ZBTB16: variants seen among roughly 807,000 people sequenced by gnomAD.
The protein encoded by ZBTB16 is zinc finger and BTB domain-containing protein 16.
A neutral mutation model predicts 56.8 loss-of-function variants in ZBTB16; 8 were observed. The observed-to-expected ratio is 0.14, with a 90% confidence interval of 0.08 to 0.25. The LOEUF (loss-of-function observed/expected upper bound fraction) is 0.25, where lower values mean the gene tolerates loss of function less well. ZBTB16 is among the 10% of genes least tolerant of loss of function. The pLI is 1.00. For synonymous variants in ZBTB16, 363 were observed against 368.5 expected, an observed-to-expected ratio of 0.98 and a Z score of 0.17; for missense variants, 625 against 903.0, an observed-to-expected ratio of 0.69 and a Z score of 3.95.
intron 4 of ZBTB16, among the ~76,000 whole-genome samples, chr11:114,206,347 C>A (rs1453031335): frequency 6.6e-6 from 1 of 152,190 alleles, no homozygotes; most frequent in Non-Finnish European, 1.5e-5. Context: ...ACACAGCAGG[C>A]TAGAGAGAGA....
intron 5 of ZBTB16, among the ~76,000 whole-genome samples, chr11:114,245,682 C>T (rs987379703): frequency 2.0e-5 from 3 of 152,188 alleles, no homozygotes; most frequent in South Asian, 2.1e-4. Context: ...CAGGCACGAG[C>T]GCAGTTTGAC....
chr11:114,165,547 G>A (rs1382748867), intron 3 of ZBTB16, among the ~76,000 whole-genome samples: 1 of 152,202 alleles, frequency 6.6e-6, no homozygotes. Context: ...TGAATATCCT[G>A]TTATAAAAGT....
chr11:114,175,753 A>G (rs1943093378), intron 3 of ZBTB16, among the ~76,000 whole-genome samples: 1 of 152,132 alleles, frequency 6.6e-6, no homozygotes, highest in African/African-American at 2.4e-5. Context: ...CAAGAATGCC[A>G]TCGAGACTGA....
chr11:114,069,768 T>C (rs897294278), intron 2 of ZBTB16, among the ~76,000 whole-genome samples: 1 of 152,258 alleles, frequency 6.6e-6, no homozygotes, highest in African/African-American at 2.4e-5. Flanking sequence ...ATATTAATAA[T>C]ACCTTTTATC....
intron 3 of ZBTB16, among the ~76,000 whole-genome samples, chr11:114,179,481 G>C (rs1195580795): frequency 6.6e-6 from 1 of 152,162 alleles, no homozygotes; most frequent in African/African-American, 2.4e-5. Flanking sequence ...GACAGCTTAT[G>C]CTTTTTTTGG....
At position 114,143,940 on chromosome 11, in the gene ZBTB16, T is replaced by C. The variant is rs1379480828; in HGVS notation, c.1269-12397T>C. 6.6e-6 allele frequency among the ~76,000 whole-genome samples: 1 copy of C among 152,204 alleles called. No individual in the cohort carries two copies. The highest frequency in any genetic ancestry group is 2.4e-5 in the African/African-American group (1 of 41,438). On this transcript the variant is annotated intron_variant, in intron 2 of 6. Transcript: ENST00000335953. This position sits in a 1 kb window ranked among gnomAD's most constrained non-coding sequence, Gnocchi z 6.4. ...GTTGGGCCTCGAGTCACTGGTATTA[T>C]GCATTTCCTGTGTGCTCGGGAGCCT... is the stretch of plus-strand genomic sequence containing the variant.
intron 2 of ZBTB16, among the ~76,000 whole-genome samples, chr11:114,139,062 A>C (rs1456892333): frequency 2.0e-5 from 3 of 152,168 alleles, no homozygotes; most frequent in Admixed American, 2.0e-4. Flanking sequence ...CAGTTTTCTA[A>C]AAAAAGAGGT....
intron 4 of ZBTB16, among the ~76,000 whole-genome samples, chr11:114,205,342 G>T (rs1319110762): frequency 6.6e-6 from 1 of 151,816 alleles, no homozygotes; most frequent in Non-Finnish European, 1.5e-5. Context: ...CCCGGGAGGT[G>T]GAGCTTGCAG....
At chr11:114,245,554 G>A (rs73007088) in intron 5 of ZBTB16, among the ~76,000 whole-genome samples, 1 of 152,168 alleles carries the variant, frequency 6.6e-6, no homozygotes, top group African/African-American at 2.4e-5. Flanking sequence ...ACTTTGGGAG[G>A]GGGGAGCTTT....
chr11:114,143,425 A>G lies in ZBTB16; in HGVS notation c.1269-12912A>G, dbSNP rs1202500123. On this transcript the variant is annotated intron_variant, in intron 2 of 6. Coordinates refer to ENST00000335953, the MANE Select transcript of ZBTB16 (RefSeq NM_006006.6). The surrounding 1 kb of genome is among the most constrained non-coding windows in gnomAD (Gnocchi z 6.4). ...ACTTAAAAGACAGAGGCTGGGGGGG[A>G]AAGGGGGTCAGCTTTGAGAGGGGAC... is the stretch of plus-strand genomic sequence containing the variant. Among the ~76,000 whole-genome samples, 1 of 151,940 alleles carries G rather than the reference A, an allele frequency of 6.6e-6. No homozygotes were observed. The highest frequency in any genetic ancestry group is 1.5e-5 in the Non-Finnish European group (1 of 67,988).
intron 2 of ZBTB16, among the ~76,000 whole-genome samples, chr11:114,137,636 A>C (rs1941832755): frequency 6.6e-6 from 1 of 152,120 alleles, no homozygotes; most frequent in African/African-American, 2.4e-5. Context: ...TTAGAGTGTG[A>C]ATTAGATTGT....
At chr11:114,142,306 A>T (rs1011894480) in intron 2 of ZBTB16, among the ~76,000 whole-genome samples, 2 of 152,168 alleles carry the variant, frequency 1.3e-5, no homozygotes, top group Non-Finnish European at 2.9e-5. Flanking sequence ...CAGTAGCTCT[A>T]TGCCCTGCCA....
At chr11:114,112,763 T>TC (rs545883703) in intron 2 of ZBTB16, among the ~76,000 whole-genome samples, 50 of 49,580 alleles carry the variant, frequency 1.0e-3, no homozygotes, top group Admixed American at 1.1e-3. Flanking sequence ...TCATTTTCTT[T>TC]TTTTTTTTTT....
rs528116936 is a variant in ZBTB16, at chr11:114,201,581, G to A, written c.1453+14543G>A. 2.6e-4 allele frequency among the ~76,000 whole-genome samples: 40 copies of A among 152,284 alleles called. 1 individual carries two copies. In the South Asian group the frequency reaches 7.2e-3, roughly 28 times the overall value. ...GCTGATTGCAACACTATTTGTAATT[G>A]CAAAGCAATGAGAATGACCTAAATA... On this transcript the variant is annotated intron_variant, in intron 4 of 6. Transcript: ENST00000335953.
chr11:114,194,863 G>T (rs371336751), intron 4 of ZBTB16, among the ~76,000 whole-genome samples: 2 of 152,152 alleles, frequency 1.3e-5, no homozygotes, highest in Admixed American at 6.5e-5. Flanking sequence ...TATTCTCTGG[G>T]TTTGAAATTT....
chr11:114,225,013 G>A (rs1944301592), intron 4 of ZBTB16, among the ~76,000 whole-genome samples: 1 of 152,144 alleles, frequency 6.6e-6, no homozygotes, highest in Admixed American at 6.5e-5. Flanking sequence ...AGCTCTAGGA[G>A]TGGAGGAGGT....
intron 2 of ZBTB16, among the ~76,000 whole-genome samples, chr11:114,099,610 CT>C (rs1940538183): frequency 6.6e-6 from 1 of 152,044 alleles, no homozygotes; most frequent in Non-Finnish European, 1.5e-5. Flanking sequence ...GTTCTTAAAG[CT>C]GTGTGGTGTC....
chr11:114,240,109 C>T (rs373973075), intron 4 of ZBTB16, among the ~76,000 whole-genome samples: 111 of 152,284 alleles, frequency 7.3e-4, no homozygotes, highest in African/African-American at 2.5e-3. Context: ...CTGTTTTTCT[C>T]CTTCCCTGCT....
rs543932580 is a variant in ZBTB16, at chr11:114,256,133, A to T, written c.*5578A>T. Among the ~76,000 whole-genome samples, 11 of 151,688 alleles carry T rather than the reference A, an allele frequency of 7.3e-5. No individual in the cohort carries two copies. Among genetic ancestry groups the T allele is most frequent in the Non-Finnish European group, 1.3e-4 (9 of 67,974 alleles). ...AAAGCTCTGTATTACACATATTTAG[A>T]CTTATCTATGTGTCACTTTTATGCC... is the stretch of plus-strand genomic sequence containing the variant. On this transcript the variant is annotated 3_prime_UTR_variant, in exon 7 of 7. Coordinates refer to ENST00000335953, the MANE Select transcript of ZBTB16 (RefSeq NM_006006.6).
Sources: gnomAD v4.1 joint callset for allele counts (sites outside exome capture counted in the v4.1 genomes callset) on GRCh38, gnomAD v4.1.1 for gene constraint, Gnocchi (gnomAD v3.1) non-coding constraint, MANE v1.5 for transcripts, NCBI Gene and HGNC (gene_info 2026-07-23, HGNC 2026-07-21) for gene names.